EIPR1: variants seen among roughly 807,000 people sequenced by gnomAD.
The protein encoded by EIPR1 is EARP and GARP complex-interacting protein 1.
In EIPR1, 25 loss-of-function variants were observed where a neutral mutation model predicts 48.1. That is an observed-to-expected ratio of 0.52 (90% confidence interval 0.38 to 0.73). EIPR1 has a LOEUF of 0.73. Among genes scored for constraint, EIPR1 ranks in the 30% least tolerant of loss-of-function variants. The pLI is 0.00. For synonymous variants in EIPR1, 204 were observed against 201.9 expected (o/e 1.01, Z -0.09); for missense variants, 415 against 506.2 (o/e 0.82, Z 1.73).
intron 4 of EIPR1, among the ~76,000 whole-genome samples, chr2:3,245,041 C>T (rs554528093): frequency 3.3e-5 from 5 of 152,086 alleles, no homozygotes; most frequent in East Asian, 1.9e-4. Flanking sequence ...GAATAAGTTG[C>T]GCCTGTACTT....
At position 3,230,950 on chromosome 2, in the gene EIPR1, T is replaced by C. The variant is rs147378848; in HGVS notation, c.417-16702A>G. On this transcript the variant is annotated intron_variant, in intron 4 of 8. Coordinates refer to ENST00000382125, the MANE Select transcript of EIPR1 (RefSeq NM_003310.5). ...GATGATTTTGGGTGGTATGGACATT[T>C]TAACAATATTAATTCTTCCCATCCA... Among the ~76,000 whole-genome samples, 725 of 152,302 alleles carry C rather than the reference T, an allele frequency of 4.8e-3. 2 individuals carry two copies. Among genetic ancestry groups the C allele is most frequent in the Middle Eastern group, 0.02 (6 of 294 alleles).
chr2:3,294,519 C>T (rs1434777449), intron 3 of EIPR1, among the ~76,000 whole-genome samples: 2 of 128,598 alleles, frequency 1.6e-5, no homozygotes, highest in African/African-American at 6.0e-5. Context: ...CCGATCCTCT[C>T]TGCACACACC....
chr2:3,343,283 C>A (rs917025414), intron 2 of EIPR1, among the ~76,000 whole-genome samples: 11 of 152,210 alleles, frequency 7.2e-5, no homozygotes, highest in Non-Finnish European at 1.3e-4. Context: ...GGGCACCACC[C>A]TACACCCAGC....
At chr2:3,248,421 C>T (rs1283547529) in intron 4 of EIPR1, among the ~76,000 whole-genome samples, 1 of 152,214 alleles carries the variant, frequency 6.6e-6, no homozygotes, top group East Asian at 1.9e-4. Flanking sequence ...TGGCAAAACG[C>T]TGTCTCTACT....
chr2:3,208,698 C>T (rs1390674907), intron 5 of EIPR1: 19 of 1,550,508 alleles, frequency 1.2e-5, no homozygotes, highest in East Asian at 4.9e-5. Context: ...CCCCAGGAAA[C>T]ACTCGGCGGG....
In EIPR1 at chr2:3,275,071, T is replaced by A. The variant is rs116747366; in HGVS notation, c.260-17616A>T. Among the ~76,000 whole-genome samples the A allele has an allele frequency of 5.1e-3, 780 of 152,198 alleles. 5 individuals carry two copies. The highest frequency in any genetic ancestry group is 0.018 in the African/African-American group (728 of 41,536). Reference sequence around the variant, plus strand: ...GTATAAAATAAGATGACAGGAATTATTACAAATAGATCAGTATTCACAATA... The same window carrying A: ...GTATAAAATAAGATGACAGGAATTAATACAAATAGATCAGTATTCACAATA... On this transcript the variant is annotated intron_variant, in intron 3 of 8. Transcript: ENST00000382125.
At chr2:3,319,717 CCCTGCAGGCAGAGCAATACCACA>C (rs1363204502) in intron 3 of EIPR1, 2,564 of 171,526 alleles carry the variant, frequency 0.015, 26 homozygotes, top group Non-Finnish European at 0.019. Flanking sequence ...GCAACACCAC[CCCTGCAGGCAGAGCAATACCACA>C]CCTGCGGGCA....
intron 3 of EIPR1, among the ~76,000 whole-genome samples, chr2:3,323,860 G>A (rs765539504): frequency 3.3e-5 from 5 of 152,222 alleles, no homozygotes; most frequent in African/African-American, 7.2e-5. Context: ...AGCACAGTGC[G>A]TGGCACAGGC....
intron 3 of EIPR1, among the ~76,000 whole-genome samples, chr2:3,287,044 C>T (rs12469898): frequency 8.2e-6 from 1 of 121,436 alleles, no homozygotes; most frequent in South Asian, 2.8e-4. Flanking sequence ...CCGGCAGAGG[C>T]GGCGGTGGGG....
At chr2:3,313,854 C>G (rs531380595) in intron 3 of EIPR1, among the ~76,000 whole-genome samples, 2 of 152,132 alleles carry the variant, frequency 1.3e-5, no homozygotes, top group Non-Finnish European at 2.9e-5. Context: ...TCAGGGAGGG[C>G]GAGGAAGGCA....
intron 3 of EIPR1, among the ~76,000 whole-genome samples, chr2:3,310,511 G>C (rs1458266335): frequency 2.1e-5 from 3 of 145,078 alleles, no homozygotes; most frequent in Non-Finnish European, 3.0e-5. Flanking sequence ...AAATTAGCCG[G>C]GCGTAGTGGC....
chr2:3,376,622 C>T (rs796296838), intron 1 of EIPR1, among the ~76,000 whole-genome samples: 19 of 147,864 alleles, frequency 1.3e-4, no homozygotes, highest in African/African-American at 3.7e-4. Context: ...ACCCGGGAGG[C>T]GGAGGTTGCA....
At chr2:3,254,568 T>C (rs1259948500) in intron 4 of EIPR1, among the ~76,000 whole-genome samples, 1 of 152,100 alleles carries the variant, frequency 6.6e-6, no homozygotes, top group Non-Finnish European at 1.5e-5. Context: ...CAACTCAACC[T>C]CCAGGGAATC....
chr2:3,236,564 C>T (rs765077500), intron 4 of EIPR1, among the ~76,000 whole-genome samples: 27 of 152,158 alleles, frequency 1.8e-4, no homozygotes, highest in African/African-American at 6.0e-4. Flanking sequence ...ACAGAAGGGA[C>T]GCAATCGTGG....
rs140627317 is a variant in EIPR1, at chr2:3,199,291, C to T, written c.517-2274G>A. 5.9e-5 allele frequency among the ~76,000 whole-genome samples: 9 copies of T among 152,292 alleles called. No homozygotes were observed. In the East Asian group the frequency reaches 7.7e-4, roughly 13 times the overall value. ...CCAGATTTCATATTGTTCAAACACACATGCTTTACGAACAATGTGTGCAGT... is the reference window on the plus strand; with the variant it reads ...CCAGATTTCATATTGTTCAAACACATATGCTTTACGAACAATGTGTGCAGT... On this transcript the variant is annotated intron_variant, in intron 5 of 8. Transcript: ENST00000382125.
At chr2:3,287,369 C>T (rs181105076) in intron 3 of EIPR1, among the ~76,000 whole-genome samples, 5 of 150,830 alleles carry the variant, frequency 3.3e-5, no homozygotes, top group South Asian at 2.1e-4. Flanking sequence ...TCGTTCACTA[C>T]GCTCCAGAAA....
chr2:3,245,255 C>T (rs566260164), intron 4 of EIPR1, among the ~76,000 whole-genome samples: 1 of 152,078 alleles, frequency 6.6e-6, no homozygotes, highest in Non-Finnish European at 1.5e-5. Flanking sequence ...CTCTGTCACC[C>T]AGGCTGGAGT....
Position 3,211,972 on chromosome 2 carries a change from G to A in EIPR1, c.516+2177C>T, listed in dbSNP as rs561732251. Among the ~76,000 whole-genome samples, 132 of 152,294 alleles carry A rather than the reference G, an allele frequency of 8.7e-4. 1 individual carries two copies. The highest frequency in any genetic ancestry group is 3.2e-3 in the African/African-American group (132 of 41,570). The stretch of plus-strand genomic sequence containing the variant: ...TTCTGCTAATGATTATAAATGGCAC[G>A]GAATTTCCAATTTAATTGCAAAAGG... On this transcript the variant is annotated intron_variant, in intron 5 of 8. Coordinates refer to ENST00000382125, the MANE Select transcript of EIPR1 (RefSeq NM_003310.5).
rs78178815 is a variant in EIPR1 at position 3,321,994 on chromosome 2, C to T, written c.259+16023G>A. ...ATGAAGGATTCCAAAAGCCAATTCT[C>T]GACAGCATCTTATCCGAGGGATCGG... is the stretch of plus-strand genomic sequence containing the variant. On this transcript the variant is annotated intron_variant, in intron 3 of 8. Coordinates refer to ENST00000382125, the MANE Select transcript of EIPR1 (RefSeq NM_003310.5). 4.3e-3 allele frequency among the ~76,000 whole-genome samples: 648 copies of T among 152,298 alleles called. 34 individuals carry two copies. In the East Asian group the frequency reaches 0.11, roughly 25 times the overall value.
Sources: allele counts gnomAD v4.1 joint callset (sites outside exome capture counted in the v4.1 genomes callset), GRCh38; gene constraint gnomAD v4.1.1; transcripts MANE v1.5; gene names NCBI Gene and HGNC (gene_info 2026-07-23, HGNC 2026-07-21).